PEAK1: variants seen among roughly 807,000 people sequenced by gnomAD.
The protein encoded by PEAK1 is pseudopodium enriched atypical kinase 1, also known as inactive tyrosine-protein kinase PEAK1.
PEAK1 carries 54 observed loss-of-function variants against 124.7 expected under a neutral mutation model. That is an observed-to-expected ratio of 0.43 (90% confidence interval 0.35 to 0.54). The LOEUF (loss-of-function observed/expected upper bound fraction) is 0.54. Ranked by LOEUF, PEAK1 falls within the 20% of genes least tolerant of loss-of-function variation. The pLI is 0.01. For missense variants in PEAK1, 2,046 were observed against 2,134.5 expected (o/e 0.96, Z 0.82); for synonymous variants, 719 against 760.0 (o/e 0.95, Z 0.89).
At chr15:77,229,356 A>C (rs2059808288) in intron 6 of PEAK1, among the ~76,000 whole-genome samples, 1 of 152,176 alleles carries the variant, frequency 6.6e-6, no homozygotes, top group African/African-American at 2.4e-5. Context: ...CAATACATTC[A>C]ACTGTGTGAA....
At chr15:77,101,907 C>T (rs1405570665) in exon 7 of PEAK1, 1 of 152,078 alleles carries the variant, frequency 6.6e-6, no homozygotes, top group Non-Finnish European at 1.5e-5. Context: ...GAACTGTATA[C>T]CCTGTCACCA....
chr15:77,333,989 AG>A, intron 2 of PEAK1: 1 of 434,050 alleles, frequency 2.3e-6, no homozygotes, highest in Non-Finnish European at 3.1e-6. Context: ...TCAAATTCAT[AG>A]ATTTGGGAAG....
chr15:77,118,553 T>A (rs1234800508), intron 9 of PEAK1, among the ~76,000 whole-genome samples: 1 of 152,218 alleles, frequency 6.6e-6, no homozygotes, highest in African/African-American at 2.4e-5. Flanking sequence ...CTTCTGCCCT[T>A]ACCCAGTATT....
intron 2 of PEAK1, among the ~76,000 whole-genome samples, chr15:77,330,252 A>G (rs529523712): frequency 1.3e-5 from 2 of 152,316 alleles, no homozygotes; most frequent in South Asian, 2.1e-4. Flanking sequence ...TTTGTGGGCA[A>G]GAGTTGTAAA....
intron 9 of PEAK1, among the ~76,000 whole-genome samples, chr15:77,127,863 T>A (rs2052519686): frequency 6.6e-6 from 1 of 152,090 alleles, no homozygotes; most frequent in Non-Finnish European, 1.5e-5. Context: ...GTGGATCATC[T>A]GAGGTCAGGA....
chr15:77,312,944 A>G (rs985885147), intron 2 of PEAK1, among the ~76,000 whole-genome samples: 3 of 152,256 alleles, frequency 2.0e-5, no homozygotes, highest in African/African-American at 4.8e-5. Flanking sequence ...TTAACATGGT[A>G]GAATTTATAT....
intron 6 of PEAK1, among the ~76,000 whole-genome samples, chr15:77,199,738 A>G (rs1313588306): frequency 6.6e-6 from 1 of 152,222 alleles, no homozygotes. Context: ...TATACCTCAC[A>G]TCAGAAGAAT....
Position 77,114,517 on chromosome 15 carries a change from C to T in PEAK1, c.4880G>A (p.Arg1627His), listed in dbSNP as rs774901887. The change falls in exon 10 of 10, where the codon CGC (arginine) becomes CAC (histidine). Residue 1627 changes from arginine to histidine, a missense_variant. Arg to His is a conservative substitution (Grantham distance 29). Transcript: ENST00000682557. Reference protein sequence around the residue: ...EREYTRADLPRIPFRSPYSRG... With the variant: ...EREYTRADLPHIPFRSPYSRG... ...GGAGTAGGGGGAGCGGAATGGGATG[C>T]GAGGCAGGTCTGCTCGTGTGTATTC... The T allele has an allele frequency of 1.7e-5, 28 of 1,613,894 alleles. No homozygotes were observed. The Middle Eastern group carries it at 4.9e-4, about 29-fold the overall frequency.
At chr15:77,349,771 A>G in intron 2 of PEAK1, 1 of 985,240 alleles carries the variant, frequency 1.0e-6, no homozygotes, top group South Asian at 4.7e-5. Context: ...CACTTTCACA[A>G]ATAATTAGGT....
chr15:77,189,993 TAGTTA>T (rs1221202595), intron 6 of PEAK1, among the ~76,000 whole-genome samples: 12 of 152,008 alleles, frequency 7.9e-5, no homozygotes, highest in Admixed American at 7.2e-4. Context: ...AATAAGAAAA[TAGTTA>T]ATGATTCTAA....
chr15:77,399,747 G>A (rs373935598), intron 1 of PEAK1, among the ~76,000 whole-genome samples: 2 of 152,116 alleles, frequency 1.3e-5, no homozygotes, highest in Admixed American at 6.5e-5. Context: ...CCAGGGCATT[G>A]GACTGGGCAA....
At chr15:77,250,213 A>G (rs896435392) in intron 6 of PEAK1, among the ~76,000 whole-genome samples, 11 of 136,568 alleles carry the variant, frequency 8.1e-5, no homozygotes, top group Admixed American at 3.0e-4. Context: ...ATATATATGT[A>G]TATATATACA....
At chr15:77,211,845 T>C (rs1044569018) in intron 6 of PEAK1, among the ~76,000 whole-genome samples, 1 of 95,452 alleles carries the variant, frequency 1.0e-5, no homozygotes, top group Non-Finnish European at 2.0e-5. Flanking sequence ...CGAAACTCCA[T>C]CTCAAAAAAA....
At chr15:77,293,323 GCAC>G (rs1167206443) in intron 2 of PEAK1, among the ~76,000 whole-genome samples, 2 of 152,088 alleles carry the variant, frequency 1.3e-5, no homozygotes, top group Non-Finnish European at 2.9e-5. Flanking sequence ...CATGTAATAA[GCAC>G]CACATTTTTT....
intron 6 of PEAK1, among the ~76,000 whole-genome samples, chr15:77,184,058 G>A (rs774001242): frequency 3.4e-4 from 51 of 151,856 alleles, no homozygotes; most frequent in East Asian, 9.7e-4. Context: ...TCAAACTCTT[G>A]GGCTCAAGGG....
intron 8 of PEAK1, among the ~76,000 whole-genome samples, chr15:77,137,306 GCCACTGT>G (rs2053420360): frequency 6.6e-6 from 1 of 152,208 alleles, no homozygotes; most frequent in African/African-American, 2.4e-5. Context: ...TGAGAAGAGG[GCCACTGT>G]CCTCCAGATC....
chr15:77,373,423 C>T (rs1435417565), intron 1 of PEAK1, among the ~76,000 whole-genome samples: 2 of 152,184 alleles, frequency 1.3e-5, no homozygotes, highest in African/African-American at 4.8e-5. Context: ...AAGCTCTCTA[C>T]AGGCAATGAC....
At chr15:77,228,827 T>C (rs1431436498) in intron 6 of PEAK1, among the ~76,000 whole-genome samples, 1 of 152,214 alleles carries the variant, frequency 6.6e-6, no homozygotes, top group Non-Finnish European at 1.5e-5. Context: ...AGTATTTTCA[T>C]GTGCCCCTAA....
intron 2 of PEAK1, among the ~76,000 whole-genome samples, chr15:77,360,058 G>A (rs923435426): frequency 6.6e-6 from 1 of 152,204 alleles, no homozygotes; most frequent in African/African-American, 2.4e-5. Context: ...ATGTGGTACT[G>A]ACATAAGGAT....
Sources: allele counts gnomAD v4.1 joint callset (sites outside exome capture counted in the v4.1 genomes callset), GRCh38; gene constraint gnomAD v4.1.1; transcripts MANE v1.5; gene names NCBI Gene and HGNC (gene_info 2026-07-23, HGNC 2026-07-21).